KAT6A: variants seen among roughly 807,000 people sequenced by gnomAD.
KAT6A encodes the protein histone acetyltransferase KAT6A.
Under a neutral mutation model 198.4 loss-of-function variants are expected in KAT6A, and 9 were observed. The ratio of observed to expected loss-of-function variants is 0.05; its 90% CI spans 0.03 to 0.08. The LOEUF (loss-of-function observed/expected upper bound fraction) is 0.08, where lower values mean the gene tolerates loss of function less well. Among genes scored for constraint, KAT6A ranks in the 10% least tolerant of loss-of-function variants. The probability of loss-of-function intolerance (pLI) is 1.00; values close to 1 mark genes in which losing one functional copy is unlikely to be tolerated. For synonymous variants in KAT6A, 890 were observed against 883.0 expected, an observed-to-expected ratio of 1.01 and a Z score of -0.14; for missense variants, 2,077 against 2,509.9, an observed-to-expected ratio of 0.83 and a Z score of 3.69.
At position 41,931,264 on chromosome 8, in the gene KAT6A, G is replaced by C. The variant is rs1391787304; in HGVS notation, c.*941C>G. 4.5e-6 allele frequency: 1 copy of C among 220,572 alleles called. No homozygotes were observed. The highest frequency in any genetic ancestry group is 2.2e-5 in the African/African-American group (1 of 44,550). The allele number at this position is 220,572 out of a possible 1,614,324, so 13.7% of individuals were successfully genotyped here. A position where few individuals can be genotyped will look rare whatever the true frequency, so the allele number is the denominator to read the frequency against. ...AAGTACATACTAGAAACAAGAGGCT[G>C]GGTGGCGTGTGTGTGCGTTATGGCT... is the stretch of plus-strand genomic sequence containing the variant. On this transcript the variant is annotated 3_prime_UTR_variant, in exon 17 of 17. Transcript: ENST00000265713.
chr8:41,940,889 G>T lies in KAT6A; in HGVS notation c.2992C>A (p.Arg998=). 6.2e-7 allele frequency: 1 copy of T among 1,613,842 alleles called. No homozygotes were observed. Among genetic ancestry groups the T allele is most frequent in the Non-Finnish European group, 8.5e-7 (1 of 1,180,024 alleles). The stretch of plus-strand genomic sequence containing the variant: ...GTGAGAATTGGTGGCGAGCTTGACC[G>T]AGGGCTTTCCGGCTCCTCCTCCTCC... The part of the protein sequence containing the change: ...SEEEEEPESP[R]SSSPPILTKP... The change falls in exon 15 of 17, where the codon CGG becomes AGG. Residue 998 remains arginine (R), a synonymous_variant. Coordinates refer to ENST00000265713, the MANE Select transcript of KAT6A (RefSeq NM_006766.5).
chr8:42,025,925 C>CT (rs1826793560), intron 2 of KAT6A, among the ~76,000 whole-genome samples: 1 of 152,126 alleles, frequency 6.6e-6, no homozygotes, highest in Non-Finnish European at 1.5e-5. Context: ...ACATTTAAGT[C>CT]TTTAATCCAT....
intron 2 of KAT6A, among the ~76,000 whole-genome samples, chr8:42,037,318 A>AAAT (rs544053892): frequency 7.4e-4 from 112 of 152,328 alleles, no homozygotes; most frequent in African/African-American, 2.6e-3. Flanking sequence ...AAGAGGGTTT[A>AAAT]AATAGTAAGT....
Position 42,047,541 on chromosome 8 carries a change from A to G in KAT6A, c.600+837T>C, listed in dbSNP as rs546658817. 1.2e-3 allele frequency among the ~76,000 whole-genome samples: 178 copies of G among 152,222 alleles called. 1 individual carries two copies. The highest frequency in any genetic ancestry group is 2.3e-3 in the Non-Finnish European group (153 of 67,998). ...CAATCCTCCCCGACACAGCCTCCCA[A>G]GTAGCTAGGACTACAGGCGCGCCCA... On this transcript the variant is annotated intron_variant, in intron 2 of 16. Transcript: ENST00000265713.
Position 41,940,904 on chromosome 8 carries a change from C to G in KAT6A, c.2977G>C (p.Glu993Gln), listed in dbSNP as rs747372778. Residue 993 changes from glutamate to glutamine, a missense_variant, in exon 15 of 17, where the codon GAG (glutamate) becomes CAG (glutamine). Physicochemically the swap from Glu to Gln is conservative, Grantham distance 29. Coordinates refer to ENST00000265713, the MANE Select transcript of KAT6A (RefSeq NM_006766.5). ...GFSESSEEEE[E>Q]PESPRSSSPP... is the part of the protein sequence containing the mutation. ...GAGCTTGACCGAGGGCTTTCCGGCT[C>G]CTCCTCCTCCTCGCTGCTCTCACTG... is the stretch of plus-strand genomic sequence containing the variant. The G allele has an allele frequency of 1.3e-6, 2 of 1,596,028 alleles. No homozygotes were observed. Among genetic ancestry groups the G allele is most frequent in the Non-Finnish European group, 1.7e-6 (2 of 1,170,260 alleles).
intron 2 of KAT6A, among the ~76,000 whole-genome samples, chr8:42,017,283 C>A (rs1826320624): frequency 6.6e-6 from 1 of 152,184 alleles, no homozygotes; most frequent in Non-Finnish European, 1.5e-5. Context: ...ATATTTCAAA[C>A]CACTATGAGC....
At chr8:42,032,140 A>G (rs1181581235) in intron 2 of KAT6A, among the ~76,000 whole-genome samples, 3 of 152,140 alleles carry the variant, frequency 2.0e-5, no homozygotes, top group African/African-American at 7.2e-5. Context: ...CGTGTTAGCC[A>G]GGAGTACTTG....
chr8:41,932,052 G>T lies in KAT6A; in HGVS notation c.*153C>A. 1.3e-6 allele frequency: 1 copy of T among 747,824 alleles called. No homozygotes were observed. The highest frequency in any genetic ancestry group is 1.9e-6 in the Non-Finnish European group (1 of 537,472). 46.3% of individuals were successfully genotyped at this position (747,824 alleles called of 1,614,324 possible). A position where few individuals can be genotyped will look rare whatever the true frequency, so the allele number is the denominator to read the frequency against. ...ATGAACCCAAAAAAAGAGAAGATCAGGTTTTCTAAAAAATAAAATAAACCA... is the reference window on the plus strand; with the variant it reads ...ATGAACCCAAAAAAAGAGAAGATCATGTTTTCTAAAAAATAAAATAAACCA... On this transcript the variant is annotated 3_prime_UTR_variant, in exon 17 of 17. Transcript: ENST00000265713.
In KAT6A at chr8:41,968,162, G is replaced by C. The variant is rs561533816; in HGVS notation, c.1482+6542C>G. ...ACTAAAGAGCTTCTGCACAGCAAAA[G>C]AAACTACCATCAGAGTGAACAGGCA... On this transcript the variant is annotated intron_variant, in intron 8 of 16. Coordinates refer to ENST00000265713, the MANE Select transcript of KAT6A (RefSeq NM_006766.5). Among the ~76,000 whole-genome samples the C allele has an allele frequency of 4.6e-5, 7 of 152,212 alleles. No homozygotes were observed. In the East Asian group the frequency reaches 1.2e-3, roughly 25 times the overall value.
At chr8:41,983,620 T>C (rs1824465372) in intron 3 of KAT6A, among the ~76,000 whole-genome samples, 1 of 152,228 alleles carries the variant, frequency 6.6e-6, no homozygotes, top group Non-Finnish European at 1.5e-5. Context: ...ATTCTTTACT[T>C]CTTTTAATCC....
chr8:41,932,890 A>C lies in KAT6A; in HGVS notation c.5330T>G (p.Val1777Gly). Residue 1777 changes from valine (V) to glycine (G), a missense_variant, in exon 17 of 17, where the codon GTG (valine) becomes GGG (glycine). Physicochemically the swap from Val to Gly is moderately radical, Grantham distance 109 (BLOSUM62 -3). Transcript: ENST00000265713. ...AGAAACACTGGTTGCATAGGAAGTC[A>C]CAGCAGGAGAATGGCTATAAGGCAT... is the stretch of plus-strand genomic sequence containing the variant. ...HAMPYSHSPA[V>G]TSYATSVSLS... The C allele has an allele frequency of 6.2e-7, 1 of 1,614,152 alleles. No individual in the cohort carries two copies.
At chr8:42,045,807 A>G (rs1268663463) in intron 2 of KAT6A, among the ~76,000 whole-genome samples, 2 of 146,850 alleles carry the variant, frequency 1.4e-5, no homozygotes, top group East Asian at 2.0e-4. Context: ...CCCTGTCTCT[A>G]CTAAAAATAC....
chr8:41,992,598 T>C (rs1210363257), intron 2 of KAT6A, among the ~76,000 whole-genome samples: 1 of 152,160 alleles, frequency 6.6e-6, no homozygotes, highest in Non-Finnish European at 1.5e-5. Context: ...CACAATTCAA[T>C]GTAATGACCT....
chr8:42,033,803 C>G (rs1240257895), intron 2 of KAT6A, among the ~76,000 whole-genome samples: 1 of 151,732 alleles, frequency 6.6e-6, no homozygotes, highest in Admixed American at 6.6e-5. Flanking sequence ...TATGAAACAA[C>G]CCAAACAAAA....
intron 2 of KAT6A, among the ~76,000 whole-genome samples, chr8:42,010,896 G>A (rs1648829092): frequency 6.6e-6 from 1 of 152,138 alleles, no homozygotes; most frequent in Non-Finnish European, 1.5e-5. Context: ...AAAATAGAAG[G>A]ATACGAGTCC....
At chr8:42,041,803 T>A (rs948186288) in intron 2 of KAT6A, among the ~76,000 whole-genome samples, 6 of 151,130 alleles carry the variant, frequency 4.0e-5, no homozygotes, top group Admixed American at 1.3e-4. Flanking sequence ...TAACAATTAC[T>A]GAGATCAATC....
chr8:42,036,608 A>C (rs1827389844), intron 2 of KAT6A, among the ~76,000 whole-genome samples: 1 of 152,048 alleles, frequency 6.6e-6, no homozygotes, highest in African/African-American at 2.4e-5. Flanking sequence ...GCAAGACTCC[A>C]ACTCAAAAAA....
At position 41,941,121 on chromosome 8, in the gene KAT6A, C is replaced by G. The variant is rs200864330; in HGVS notation, c.2760G>C (p.Leu920=). The change falls in exon 15 of 17, where the codon CTG becomes CTC. Residue 920 remains leucine, a synonymous_variant. Coordinates refer to ENST00000265713, the MANE Select transcript of KAT6A (RefSeq NM_006766.5). ...GGCTTGGCTGCTCCTCAGAAGCCACCAGCTGTTCTTCACTTTCAGTGTATT... is the reference window on the plus strand; with the variant it reads ...GGCTTGGCTGCTCCTCAGAAGCCACGAGCTGTTCTTCACTTTCAGTGTATT... ...QEQYTESEEQ[L]VASEEQPSQD... The G allele has an allele frequency of 3.1e-4, 501 of 1,614,004 alleles. No individual in the cohort carries two copies. The highest frequency in any genetic ancestry group is 3.1e-4 in the Non-Finnish European group (363 of 1,180,032).
intron 2 of KAT6A, among the ~76,000 whole-genome samples, chr8:42,001,450 T>C (rs572778120): frequency 6.6e-6 from 1 of 152,324 alleles, no homozygotes; most frequent in South Asian, 2.1e-4. Flanking sequence ...TAGTGACAAG[T>C]TCCTAAAGGC....
Sources: allele counts gnomAD v4.1 joint callset (sites outside exome capture counted in the v4.1 genomes callset), GRCh38; gene constraint gnomAD v4.1.1; transcripts MANE v1.5; gene names NCBI Gene and HGNC (gene_info 2026-07-23, HGNC 2026-07-21).